ITGAE: variants seen among roughly 807,000 people sequenced by gnomAD.
ITGAE encodes integrin subunit alpha E.
Under a neutral mutation model 136.5 loss-of-function variants are expected in ITGAE, and 99 were observed. The observed-to-expected ratio is 0.73, with a 90% CI of 0.62 to 0.86. The LOEUF (loss-of-function observed/expected upper bound fraction) is 0.86. Among genes scored for constraint, ITGAE ranks in the 40% least tolerant of loss-of-function variants. ITGAE has a pLI of 0.00. For missense variants in ITGAE, 1,447 were observed against 1,515.3 expected (o/e 0.95, Z 0.75); for synonymous variants, 613 against 591.8 (o/e 1.04, Z -0.52).
intron 2 of ITGAE, among the ~76,000 whole-genome samples, chr17:3,770,641 G>C (rs1259726942): frequency 2.0e-5 from 3 of 152,174 alleles, no homozygotes; most frequent in Non-Finnish European, 4.4e-5. Flanking sequence ...CAGCAGGCCC[G>C]TGGTCTCAGG....
chr17:3,749,444 A>G (rs961754742), intron 16 of ITGAE, among the ~76,000 whole-genome samples: 7 of 151,950 alleles, frequency 4.6e-5, no homozygotes, highest in Admixed American at 2.0e-4. Context: ...AGTAGAGATG[A>G]GGTTTCACCG....
At chr17:3,784,243 G>A (rs541451191) in intron 1 of ITGAE, 2 of 317,706 alleles carry the variant, frequency 6.3e-6, no homozygotes, top group Non-Finnish European at 1.2e-5. Context: ...CTGGGCAACA[G>A]AGCAAGACTC....
chr17:3,769,393 C>T (rs1358590963), intron 2 of ITGAE, among the ~76,000 whole-genome samples: 3 of 151,662 alleles, frequency 2.0e-5, no homozygotes, highest in African/African-American at 7.3e-5. Context: ...TCATGAACAG[C>T]TGTGCAGGGT....
intron 15 of ITGAE, among the ~76,000 whole-genome samples, chr17:3,750,809 G>T (rs2051846787): frequency 6.6e-6 from 1 of 152,110 alleles, no homozygotes; most frequent in South Asian, 2.1e-4. Context: ...TGGGGCTTGG[G>T]GATGGGGGGT....
rs147753848 is a variant in ITGAE, at chr17:3,768,800, C to T, written c.156-4840G>A. Among the ~76,000 whole-genome samples, 9 of 152,308 alleles carry T rather than the reference C, an allele frequency of 5.9e-5. No homozygotes were observed. The East Asian group carries it at 1.7e-3, about 29-fold the overall frequency. On this transcript the variant is annotated intron_variant, in intron 2 of 30. Coordinates refer to ENST00000263087, the MANE Select transcript of ITGAE (RefSeq NM_002208.5). ...TGTCTCCCCACGAGACAGTAGGCTC[C>T]CGAAGGATCTTGTCTATCTTCTTCA...
At position 3,793,748 on chromosome 17, in the gene ITGAE, C is replaced by T. The variant is rs935973788; in HGVS notation, c.34+7363G>A. Among the ~76,000 whole-genome samples, 4 of 152,068 alleles carry T rather than the reference C, an allele frequency of 2.6e-5. No homozygotes were observed. In the East Asian group the frequency reaches 5.8e-4, roughly 22 times the overall value. ...ATTTTTAGTAGAGATGTGGTTTCAC[C>T]GTGTTAGCCGGGATGGTCTCGAACT... On this transcript the variant is annotated intron_variant, in intron 1 of 30. Transcript: ENST00000263087.
intron 1 of ITGAE, among the ~76,000 whole-genome samples, chr17:3,791,227 T>C (rs1228344779): frequency 1.3e-5 from 2 of 151,842 alleles, no homozygotes; most frequent in African/African-American, 4.8e-5. Context: ...TATTAGATGA[T>C]ACCAAAGAAT....
intron 1 of ITGAE, among the ~76,000 whole-genome samples, chr17:3,788,085 A>T (rs1347697687): frequency 2.0e-5 from 3 of 151,946 alleles, no homozygotes; most frequent in Non-Finnish European, 4.4e-5. Flanking sequence ...GTTTGTGGAC[A>T]TGCCTTTTTC....
At chr17:3,739,935 G>T in intron 19 of ITGAE, 57 bp from the exon 20 acceptor site, 1 of 1,399,694 alleles carries the variant, frequency 7.1e-7, no homozygotes, top group Non-Finnish European at 1.0e-6. Context: ...CAGCAGCCCT[G>T]CCTCCGGCTC....
chr17:3,751,799 C>A lies in ITGAE; in HGVS notation c.1744G>T (p.Ala582Ser). 6.2e-7 allele frequency: 1 copy of A among 1,614,136 alleles called. No individual in the cohort carries two copies. The highest frequency in any genetic ancestry group is 1.1e-5 in the South Asian group (1 of 91,084). ...TCCTGACTGAGATCCCCCATAGCCG[C>A]CATGGCAAAGCCAAAGCGGGCATTG... ...FTNARFGFAM[A>S]AMGDLSQDKL... The change falls in exon 15 of 31, where the codon GCG (alanine) becomes TCG (serine). Residue 582 changes from alanine (A) to serine (S), a missense_variant. By Grantham distance (99) the Ala-to-Ser change is moderately conservative (BLOSUM62 1). Coordinates refer to ENST00000263087, the MANE Select transcript of ITGAE (RefSeq NM_002208.5).
intron 2 of ITGAE, among the ~76,000 whole-genome samples, chr17:3,766,160 T>A (rs905959524): frequency 6.6e-6 from 1 of 152,042 alleles, no homozygotes; most frequent in African/African-American, 2.4e-5. Context: ...CAGGGGGACG[T>A]TGAGGCAGGC....
At chr17:3,740,671 C>T (rs1180347262) in intron 19 of ITGAE, among the ~76,000 whole-genome samples, 2 of 152,234 alleles carry the variant, frequency 1.3e-5, no homozygotes, top group South Asian at 2.1e-4. Flanking sequence ...CCACCGCGCC[C>T]GGCCTGGCTA....
chr17:3,750,621 G>A (rs1405259611), intron 15 of ITGAE, 139 bp from the exon 16 acceptor site: 5 of 993,094 alleles, frequency 5.0e-6, no homozygotes, highest in Non-Finnish European at 7.2e-6. Flanking sequence ...CAGGAAAGAG[G>A]GAGCAAGCTT....
At position 3,798,974 on chromosome 17, in the gene ITGAE, G is replaced by C. The variant is rs1313717764; in HGVS notation, c.34+2137C>G. Among the ~76,000 whole-genome samples, 1 of 152,184 alleles carries C rather than the reference G, an allele frequency of 6.6e-6. No homozygotes were observed. Among genetic ancestry groups the C allele is most frequent in the Admixed American group, 6.5e-5 (1 of 15,276 alleles). Reference sequence around the variant, plus strand: ...TTCCGTCTGCTGCCACAAATAAGAAGTAGGCATCACCAGAGTGGCTGGCCT... The same window carrying C: ...TTCCGTCTGCTGCCACAAATAAGAACTAGGCATCACCAGAGTGGCTGGCCT... On this transcript the variant is annotated intron_variant, in intron 1 of 30. Transcript: ENST00000263087. The surrounding 1 kb of genome is among the most constrained non-coding windows in gnomAD (Gnocchi z 4.3).
chr17:3,742,899 G>A (rs991618274), intron 19 of ITGAE, among the ~76,000 whole-genome samples: 4 of 152,200 alleles, frequency 2.6e-5, no homozygotes, highest in African/African-American at 7.2e-5. Context: ...TGATCCACCT[G>A]CCTCAACCTC....
Position 3,759,425 on chromosome 17 carries a change from A to G in ITGAE, c.843T>C (p.Thr281=), listed in dbSNP as rs1268990809. Residue 281 remains threonine (T), a synonymous_variant, in exon 8 of 31, where the codon ACT becomes ACC. Coordinates refer to ENST00000263087, the MANE Select transcript of ITGAE (RefSeq NM_002208.5). ...ACAAGACGTGTTGCATGGCTGAGGC[A>G]GTCTTGGTGACACTCCCCACTTGAG... is the stretch of plus-strand genomic sequence containing the variant. ...NITQVGSVTK[T]ASAMQHVLDS... is the part of the protein sequence containing the mutation. 3.7e-6 allele frequency: 6 copies of G among 1,613,878 alleles called. No individual in the cohort carries two copies. The highest frequency in any genetic ancestry group is 1.6e-4 in the Middle Eastern group (1 of 6,084).
At chr17:3,791,281 T>C (rs2143471585) in intron 1 of ITGAE, among the ~76,000 whole-genome samples, 1 of 151,644 alleles carries the variant, frequency 6.6e-6, no homozygotes, top group Middle Eastern at 3.4e-3. Context: ...TTTAAGAAAA[T>C]GTCCACGTTC....
chr17:3,734,163 C>T (rs372221122), intron 21 of ITGAE, among the ~76,000 whole-genome samples: 4 of 152,284 alleles, frequency 2.6e-5, no homozygotes, highest in Non-Finnish European at 4.4e-5. Flanking sequence ...CTCCGCCTCC[C>T]GGGTTCACGC....
At position 3,729,499 on chromosome 17, in the gene ITGAE, C is replaced by G. The variant is rs769460660; in HGVS notation, c.2891G>C (p.Gly964Ala). The change falls in exon 24 of 31, where the codon GGC becomes GCC. Residue 964 changes from glycine (G) to alanine (A), a missense_variant. Around this residue, in one of 3 missense-constraint regions of ITGAE, gnomAD observed 1,031 missense variants for 1,011.4 expected, o/e 1.02. Coordinates refer to ENST00000263087, the MANE Select transcript of ITGAE (RefSeq NM_002208.5). ...TCACTTGGACAGAACTGCAACGAAG[C>G]CATGCCTGAATTGAAGGGTGTGGGT... is the stretch of plus-strand genomic sequence containing the variant. ...NETHTLQFRH[G>A]FVAVLSKPSI... 2.5e-6 allele frequency: 4 copies of G among 1,611,536 alleles called. No individual in the cohort carries two copies. Among genetic ancestry groups the G allele is most frequent in the East Asian group, 2.2e-5 (1 of 44,866 alleles).
Sources: gnomAD v4.1 joint callset for allele counts (sites outside exome capture counted in the v4.1 genomes callset) on GRCh38, gnomAD v4.1.1 for gene constraint, gnomAD v4.1.1 regional missense constraint, Gnocchi (gnomAD v3.1) non-coding constraint, MANE v1.5 for transcripts, NCBI Gene and HGNC (gene_info 2026-07-23, HGNC 2026-07-21) for gene names.